Variants in NCAM1 observed in about 807,000 individuals in gnomAD.
NCAM1 encodes the protein antigen recognized by monoclonal antibody 5.1H11.
A neutral mutation model predicts 109.8 loss-of-function variants in NCAM1; 14 were observed. That is an observed-to-expected ratio of 0.13 (90% CI 0.08 to 0.20). The LOEUF is 0.20. NCAM1 is among the 10% of genes least tolerant of loss of function. NCAM1 has a pLI of 1.00. For missense variants in NCAM1, 774 were observed against 1,109.9 expected (o/e 0.70, Z 4.30); for synonymous variants, 418 against 442.9 (o/e 0.94, Z 0.70).
chr11:113,108,097 T>A (rs1262882266), intron 1 of NCAM1, among the ~76,000 whole-genome samples: 1 of 152,192 alleles, frequency 6.6e-6, no homozygotes, highest in Non-Finnish European at 1.5e-5. Flanking sequence ...GTCCCCAAAT[T>A]TTAATATTGG....
At chr11:113,180,305 A>G (rs1943292596) in intron 1 of NCAM1, among the ~76,000 whole-genome samples, 1 of 152,236 alleles carries the variant, frequency 6.6e-6, no homozygotes, top group Non-Finnish European at 1.5e-5. Flanking sequence ...CTACCCAAAT[A>G]AAGAGTGAGT....
intron 9 of NCAM1, among the ~76,000 whole-genome samples, chr11:113,222,513 C>G (rs1265734661): frequency 6.6e-6 from 1 of 152,200 alleles, no homozygotes; most frequent in Non-Finnish European, 1.5e-5. Context: ...AGTGCACAGC[C>G]TCACTGAGAG....
At chr11:113,220,531 G>T (rs921369542) in intron 8 of NCAM1, among the ~76,000 whole-genome samples, 2 of 150,888 alleles carry the variant, frequency 1.3e-5, no homozygotes, top group Non-Finnish European at 2.9e-5. Context: ...GCATTAAATG[G>T]CATTAGTATA....
chr11:113,093,677 G>A (rs1228890880), intron 1 of NCAM1, among the ~76,000 whole-genome samples: 1 of 152,234 alleles, frequency 6.6e-6, no homozygotes, highest in African/African-American at 2.4e-5. Context: ...AGTGAGGCAT[G>A]CTCAGTATCT....
intron 1 of NCAM1, among the ~76,000 whole-genome samples, chr11:113,019,862 A>T (rs1952332539): frequency 6.6e-6 from 1 of 152,198 alleles, no homozygotes; most frequent in Non-Finnish European, 1.5e-5. Flanking sequence ...GTGAAAGCAG[A>T]AGTCTAGACG....
chr11:113,114,510 G>A (rs1940598661), intron 1 of NCAM1, among the ~76,000 whole-genome samples: 1 of 152,182 alleles, frequency 6.6e-6, no homozygotes, highest in African/African-American at 2.4e-5. Context: ...ATGACCCCAC[G>A]ATTTCTTCTT....
chr11:113,230,232 G>A (rs1944966072), intron 9 of NCAM1, among the ~76,000 whole-genome samples: 1 of 152,132 alleles, frequency 6.6e-6, no homozygotes, highest in Non-Finnish European at 1.5e-5. Context: ...TCATTAATGT[G>A]TGGCATCTCC....
At chr11:112,994,393 A>G (rs7108081) in intron 1 of NCAM1, among the ~76,000 whole-genome samples, 68,628 of 151,952 alleles carry the variant, frequency 0.45, 16,373 homozygotes, top group East Asian at 0.8. Context: ...CTCTCTGGAA[A>G]CTCATAGGAT....
intron 1 of NCAM1, among the ~76,000 whole-genome samples, chr11:112,972,469 T>C (rs1950908905): frequency 6.6e-6 from 1 of 152,094 alleles, no homozygotes; most frequent in African/African-American, 2.4e-5. Flanking sequence ...CACAAAAGCC[T>C]AGGTTAGAAA....
intron 14 of NCAM1, chr11:113,243,674 G>A: frequency 2.0e-6 from 1 of 488,866 alleles, no homozygotes; most frequent in East Asian, 5.6e-5. Flanking sequence ...ATGCGTGCAT[G>A]TTCATAGTGT....
chr11:113,195,839 A>T (rs907319555), intron 1 of NCAM1, among the ~76,000 whole-genome samples: 1 of 151,848 alleles, frequency 6.6e-6, no homozygotes, highest in East Asian at 1.9e-4. Context: ...GGCTGAATTC[A>T]ATAGTATATA....
At chr11:113,118,427 A>T (rs1940803232) in intron 1 of NCAM1, among the ~76,000 whole-genome samples, 1 of 151,926 alleles carries the variant, frequency 6.6e-6, no homozygotes, top group Non-Finnish European at 1.5e-5. Flanking sequence ...TGGACTTAAG[A>T]AGTTTTAGCT....
chr11:113,192,741 C>T (rs1384039595), intron 1 of NCAM1, among the ~76,000 whole-genome samples: 4 of 152,168 alleles, frequency 2.6e-5, no homozygotes, highest in African/African-American at 9.7e-5. Flanking sequence ...CAACGGCCAA[C>T]CCTGTGGCTT....
chr11:112,988,854 T>G (rs999771410), intron 1 of NCAM1, among the ~76,000 whole-genome samples: 3 of 151,844 alleles, frequency 2.0e-5, no homozygotes, highest in African/African-American at 7.3e-5. Context: ...TTCAAGTGAT[T>G]CTCATCCCTC....
chr11:113,262,087 T>C (rs1355641128), intron 17 of NCAM1, among the ~76,000 whole-genome samples: 1 of 152,188 alleles, frequency 6.6e-6, no homozygotes, highest in Non-Finnish European at 1.5e-5. Flanking sequence ...CGGTTAGACT[T>C]TCCTGGCCAT....
chr11:113,043,559 A>T (rs565047565), intron 1 of NCAM1, among the ~76,000 whole-genome samples: 1 of 151,654 alleles, frequency 6.6e-6, no homozygotes, highest in African/African-American at 2.4e-5. Flanking sequence ...CTGGTCTCGA[A>T]CTCCTGACCT....
rs556269037 is a variant in NCAM1 at position 113,161,246 on chromosome 11, T to A, written c.53-41133T>A. ...AAATTATAAACTACAGGGAGTTTCT[T>A]TGTAGATTAAAAAAATCTTATTTCA... On this transcript the variant is annotated intron_variant, in intron 1 of 19. Coordinates refer to ENST00000316851, the MANE Select transcript of NCAM1 (RefSeq NM_181351.5). Among the ~76,000 whole-genome samples, 7 of 152,356 alleles carry A rather than the reference T, an allele frequency of 4.6e-5. No individual in the cohort carries two copies. In the East Asian group the frequency reaches 1.3e-3, roughly 29 times the overall value.
At position 113,011,748 on chromosome 11, in the gene NCAM1, T is replaced by C. The variant is rs543530212; in HGVS notation, c.52+50084T>C. On this transcript the variant is annotated intron_variant, in intron 1 of 19. Transcript: ENST00000316851. ...GTGTTTGGAGGGGATCGTTAAGCAG[T>C]CTGCTTTGCTCTGCCAAACAAGGGG... 7.9e-5 allele frequency among the ~76,000 whole-genome samples: 12 copies of C among 152,288 alleles called. No individual in the cohort carries two copies. In the South Asian group the frequency reaches 8.3e-4, roughly 11 times the overall value.
At chr11:113,243,874 T>G (rs1945420672) in intron 14 of NCAM1, 1 of 189,024 alleles carries the variant, frequency 5.3e-6, no homozygotes, top group Admixed American at 5.3e-5. Context: ...CCTGGTTCTG[T>G]GTGTTGCATG....
Sources: allele counts gnomAD v4.1 joint callset (sites outside exome capture counted in the v4.1 genomes callset), GRCh38; gene constraint gnomAD v4.1.1; transcripts MANE v1.5; gene names NCBI Gene and HGNC (gene_info 2026-07-23, HGNC 2026-07-21).